Variants in CNTNAP2 observed in about 807,000 individuals in gnomAD.
CNTNAP2 encodes the protein contactin associated protein 2, also known as contactin-associated protein-like 2.
CNTNAP2 carries 98 observed loss-of-function variants against 155.2 expected under a neutral mutation model. The observed-to-expected ratio is 0.63, with a 90% CI of 0.54 to 0.75. The LOEUF is 0.75. CNTNAP2 is among the 30% of genes least tolerant of loss of function. The pLI, the probability that CNTNAP2 is intolerant of heterozygous loss-of-function variation, is 0.00. For synonymous variants in CNTNAP2, 651 were observed against 631.2 expected, an observed-to-expected ratio of 1.03 and a Z score of -0.47; for missense variants, 1,727 against 1,688.1, an observed-to-expected ratio of 1.02 and a Z score of -0.40.
At chr7:146,404,134 A>AC (rs1164757144) in intron 1 of CNTNAP2, among the ~76,000 whole-genome samples, 1,767 of 150,298 alleles carry the variant, frequency 0.012, 110 homozygotes, top group African/African-American at 0.042. Context: ...CAAAAAAAAA[A>AC]AAAAAAAACA....
chr7:146,844,068 A>G (rs965752470), intron 3 of CNTNAP2, among the ~76,000 whole-genome samples: 2 of 152,110 alleles, frequency 1.3e-5, no homozygotes, highest in African/African-American at 2.4e-5. Context: ...AATTTTTTAT[A>G]GTATTCTTAT....
intron 1 of CNTNAP2, among the ~76,000 whole-genome samples, chr7:146,119,116 A>G (rs775774019): frequency 9.2e-5 from 14 of 152,072 alleles, no homozygotes; most frequent in Non-Finnish European, 1.9e-4. Context: ...TAAAACATTC[A>G]AAGGAGAAAA....
chr7:147,611,753 T>C (rs1801190501), intron 12 of CNTNAP2, among the ~76,000 whole-genome samples: 1 of 152,208 alleles, frequency 6.6e-6, no homozygotes, highest in Admixed American at 6.5e-5. Flanking sequence ...ACATACCTTA[T>C]TTCTCTACAC....
At chr7:146,595,118 A>G (rs1798841011) in intron 1 of CNTNAP2, among the ~76,000 whole-genome samples, 1 of 152,112 alleles carries the variant, frequency 6.6e-6, no homozygotes, top group African/African-American at 2.4e-5. Context: ...CCAGCACATC[A>G]GAAAAATGGA....
intron 1 of CNTNAP2, among the ~76,000 whole-genome samples, chr7:146,219,206 C>T (rs957317817): frequency 6.6e-6 from 1 of 152,090 alleles, no homozygotes; most frequent in Non-Finnish European, 1.5e-5. Context: ...CCCACCAGGT[C>T]CCTCCCTCCA....
chr7:146,162,360 A>T (rs1302950110), intron 1 of CNTNAP2, among the ~76,000 whole-genome samples: 1 of 152,226 alleles, frequency 6.6e-6, no homozygotes. Context: ...ATGAACAGAC[A>T]CTTCTCAAAA....
intron 13 of CNTNAP2, among the ~76,000 whole-genome samples, chr7:147,724,481 T>A (rs1196624052): frequency 6.6e-6 from 1 of 152,042 alleles, no homozygotes; most frequent in African/African-American, 2.4e-5. Context: ...TTTGCCTATT[T>A]GGCCATTGAA....
intron 8 of CNTNAP2, among the ~76,000 whole-genome samples, chr7:147,220,536 T>G (rs1803374294): frequency 6.6e-6 from 1 of 152,286 alleles, no homozygotes; most frequent in South Asian, 2.1e-4. Context: ...CCAATTGATA[T>G]AGTTGAAGAA....
chr7:146,654,514 G>T (rs1029401073), intron 1 of CNTNAP2, among the ~76,000 whole-genome samples: 2 of 152,074 alleles, frequency 1.3e-5, no homozygotes, highest in African/African-American at 4.8e-5. Context: ...TAGACAAAAT[G>T]ACATAAATAT....
chr7:146,955,481 C>T (rs1482438768), intron 3 of CNTNAP2, among the ~76,000 whole-genome samples: 1 of 151,876 alleles, frequency 6.6e-6, no homozygotes, highest in African/African-American at 2.4e-5. Flanking sequence ...ACCAGAAAAC[C>T]ACTTTTGTAT....
intron 11 of CNTNAP2, among the ~76,000 whole-genome samples, chr7:147,535,396 A>C (rs1339831154): frequency 6.6e-6 from 1 of 152,090 alleles, no homozygotes; most frequent in Non-Finnish European, 1.5e-5. Context: ...TGTCTCAGAA[A>C]AATAAAAATA....
intron 1 of CNTNAP2, among the ~76,000 whole-genome samples, chr7:146,469,176 C>T (rs747840800): frequency 6.6e-6 from 1 of 152,174 alleles, no homozygotes; most frequent in Non-Finnish European, 1.5e-5. Context: ...CTTTACCTGT[C>T]GCCCCCTTTG....
intron 15 of CNTNAP2, among the ~76,000 whole-genome samples, chr7:148,026,956 TTTG>T (rs148756537): frequency 0.052 from 7,914 of 152,192 alleles, 412 homozygotes; most frequent in African/African-American, 0.14. Flanking sequence ...GTCACTGTTT[TTTG>T]TTGTTGTTGT....
At position 146,665,783 on chromosome 7, in the gene CNTNAP2, TAA is replaced by T. The variant is rs750837961; in HGVS notation, c.98-108474_98-108473del. Among the ~76,000 whole-genome samples the T allele has an allele frequency of 2.7e-4, 13 of 48,286 alleles. 3 individuals carry two copies. The highest frequency in any genetic ancestry group is 1.2e-3 in the East Asian group (2 of 1,688). 31.7% of individuals were successfully genotyped at this position (48,286 alleles called of 152,430 possible). ...GCTATGGAGTGAGACTCTGTCTCAT[TAA>T]AAAAAAAAAAAAATACATTTTGTAA... On this transcript the variant is annotated intron_variant, in intron 1 of 23. Coordinates refer to ENST00000361727, the MANE Select transcript of CNTNAP2 (RefSeq NM_014141.6).
At chr7:146,156,597 TA>T (rs1175831099) in intron 1 of CNTNAP2, among the ~76,000 whole-genome samples, 2 of 151,166 alleles carry the variant, frequency 1.3e-5, no homozygotes, top group Non-Finnish European at 3.0e-5. Flanking sequence ...TTTAAAGTAA[TA>T]ACTGCTTTAC....
intron 22 of CNTNAP2, among the ~76,000 whole-genome samples, chr7:148,392,371 C>CACAGCTAGTTATTTTA (rs1799370776): frequency 6.6e-6 from 1 of 152,152 alleles, no homozygotes; most frequent in Non-Finnish European, 1.5e-5. Context: ...TGCGCCTGGC[C>CACAGCTAGTTATTTTA]ACAGCTAGTT....
rs546248348 is a variant in CNTNAP2 at position 147,253,399 on chromosome 7, T to C, written c.1349-46742T>C. On this transcript the variant is annotated intron_variant, in intron 8 of 23. Transcript: ENST00000361727. ...AGGTTCTCTGTTTTTTTTTTTTTTT[T>C]TTTTAGAAAAAGATAAAATGTTACA... 8.6e-4 allele frequency among the ~76,000 whole-genome samples: 131 copies of C among 152,022 alleles called. 1 individual carries two copies. The highest frequency in any genetic ancestry group is 2.9e-3 in the African/African-American group (120 of 41,490).
At chr7:146,350,335 A>G (rs532979079) in intron 1 of CNTNAP2, among the ~76,000 whole-genome samples, 101 of 152,280 alleles carry the variant, frequency 6.6e-4, no homozygotes, top group African/African-American at 2.4e-3. Context: ...TTTACAAGAA[A>G]AAAACAAACA....
Position 147,635,184 on chromosome 7 carries a change from C to CTATA in CNTNAP2, c.1898-3908_1898-3905dup, listed in dbSNP as rs57395379. 2.8e-3 allele frequency among the ~76,000 whole-genome samples: 380 copies of CTATA among 137,140 alleles called. 8 individuals are homozygous for CTATA. Among genetic ancestry groups the CTATA allele is most frequent in the African/African-American group, 8.0e-3 (258 of 32,098 alleles). The allele number at this position is 137,140 out of a possible 152,430, so 90.0% of individuals were successfully genotyped here. ...TCTCCCAGCCATTATCACTGGCAAA[C>CTATA]TATATATATATATATATGTTTAATT... On this transcript the variant is annotated intron_variant, in intron 12 of 23. Coordinates refer to ENST00000361727, the MANE Select transcript of CNTNAP2 (RefSeq NM_014141.6).
Sources: allele counts gnomAD v4.1 joint callset (sites outside exome capture counted in the v4.1 genomes callset), GRCh38; gene constraint gnomAD v4.1.1; transcripts MANE v1.5; gene names NCBI Gene and HGNC (gene_info 2026-07-23, HGNC 2026-07-21).